Variants in ARSD observed in about 807,000 individuals in gnomAD.
The protein encoded by ARSD is testis tissue sperm-binding protein Li 39a.
A neutral mutation model predicts 32.6 loss-of-function variants in ARSD; 21 were observed. The ratio of observed to expected loss-of-function variants is 0.64; its 90% CI spans 0.46 to 0.93. The LOEUF (loss-of-function observed/expected upper bound fraction) is 0.93, where lower values mean the gene tolerates loss of function less well. Among genes scored for constraint, ARSD ranks in the 40% least tolerant of loss-of-function variants. The pLI is 0.00. For synonymous variants in ARSD, 224 were observed against 237.4 expected (o/e 0.94, Z 0.52); for missense variants, 454 against 520.9 (o/e 0.87, Z 1.25).
rs1276000734 is a variant in ARSD at position 2,921,958 on chromosome X, C to T, written c.261G>A (p.Pro87=). 12 of 1,209,115 alleles carry T rather than the reference C, an allele frequency of 9.9e-6. No individual in the cohort carries two copies. Among genetic ancestry groups the T allele is most frequent in the African/African-American group, 1.7e-5 (1 of 57,227 alleles). Residue 87 remains proline (P), a synonymous_variant, in exon 3 of 10, where the codon CCG becomes CCA. Coordinates refer to ENST00000381154, the MANE Select transcript of ARSD (RefSeq NM_001669.4). ...ATGCAGCTCGGCTTGGGGTGCAGAG[C>T]GGGGCGGCCGCCAGGTGCTGAGTGA... ...VRLTQHLAAA[P]LCTPSRAAFL... is the part of the protein sequence containing the mutation.
At chrX:2,910,950 T>C (rs775239995) in intron 6 of ARSD, among the ~76,000 whole-genome samples, 157 bp from the exon 7 acceptor site, 14 of 112,434 alleles carry the variant, frequency 1.2e-4, no homozygotes, top group African/African-American at 4.5e-4. Context: ...GATCCCAAAG[T>C]GTAAGACATA....
intron 6 of ARSD, chrX:2,913,414 T>A (rs749138594): frequency 1.4e-4 from 79 of 554,940 alleles, no homozygotes; most frequent in African/African-American, 1.0e-3. Flanking sequence ...CATGAACCAG[T>A]CTCTCAGGTT....
intron 5 of ARSD, among the ~76,000 whole-genome samples, chrX:2,917,203 T>C (rs928926367): frequency 1.8e-5 from 2 of 109,730 alleles, no homozygotes; most frequent in African/African-American, 3.3e-5. Context: ...CTGGGCAACA[T>C]AGTGAGACCC....
intron 4 of ARSD, among the ~76,000 whole-genome samples, chrX:2,919,503 G>A (rs1326319769): frequency 2.7e-5 from 3 of 110,358 alleles, no homozygotes; most frequent in East Asian, 5.7e-4. Flanking sequence ...TTTCCTCTCC[G>A]TGCAGAAAGG....
rs192474424 is a variant in ARSD, at chrX:2,918,993, T to A, written c.440-766A>T. On this transcript the variant is annotated intron_variant, in intron 4 of 9. Transcript: ENST00000381154. The stretch of plus-strand genomic sequence containing the variant: ...TTAGCCAGGCATGGTGGCACATGTC[T>A]GTGGTCCCAGCTACTCAGGAGGCTG... Among the ~76,000 whole-genome samples the A allele has an allele frequency of 5.4e-5, 6 of 110,133 alleles. No individual in the cohort carries two copies. The East Asian group carries it at 1.7e-3, about 32-fold the overall frequency.
intron 2 of ARSD, among the ~76,000 whole-genome samples, chrX:2,924,043 T>C (rs1340234721): frequency 1.8e-5 from 2 of 112,281 alleles, no homozygotes; most frequent in African/African-American, 6.5e-5. Context: ...GATTGATTGA[T>C]TGACTTAGAG....
intron 5 of ARSD, among the ~76,000 whole-genome samples, chrX:2,916,185 A>G (rs2088958214): frequency 1.9e-5 from 2 of 106,439 alleles, no homozygotes; most frequent in Admixed American, 2.1e-4. Context: ...ATGGAATACT[A>G]TTCAGCCATA....
At chrX:2,925,570 G>A (rs369517074) in intron 2 of ARSD, 46 bp downstream of exon 2, 21 of 1,173,788 alleles carry the variant, frequency 1.8e-5, no homozygotes, top group Admixed American at 7.0e-5. Context: ...GCACCATTCC[G>A]TCAAACTCAC....
At chrX:2,921,517 T>C (rs180989993) in intron 3 of ARSD, among the ~76,000 whole-genome samples, 12 of 112,099 alleles carry the variant, frequency 1.1e-4, no homozygotes, top group African/African-American at 3.6e-4. Context: ...ATCATTATCA[T>C]CCATCTAGCA....
Position 2,917,790 on chromosome X carries a change from C to G in ARSD, c.863+14G>C. 1 of 1,193,319 alleles carries G rather than the reference C, an allele frequency of 8.4e-7. No individual in the cohort carries two copies. On this transcript the variant is annotated intron_variant, in intron 5 of 9. Transcript: ENST00000381154. ...CCGGCCCCATCTCCTCTTTAAGATG[C>G]GATGGTTGCTTACCTTTCAATATAG...
At chrX:2,928,679 T>G (rs752404208) in intron 1 of ARSD, among the ~76,000 whole-genome samples, 25 of 36,271 alleles carry the variant, frequency 6.9e-4, no homozygotes, top group East Asian at 3.1e-3. Flanking sequence ...AGCTGGGGGG[T>G]TGGGGGCGGG....
chrX:2,920,569 C>G, intron 4 of ARSD, 32 bp downstream of exon 4: 1 of 1,210,144 alleles, frequency 8.3e-7, no homozygotes, highest in Non-Finnish European at 1.1e-6. Context: ...TTCCCAACCA[C>G]CGTATAATGT....
At chrX:2,910,630 C>A (rs1045476125) in intron 7 of ARSD, 29 bp downstream of exon 7, 2 of 1,210,606 alleles carry the variant, frequency 1.7e-6, no homozygotes, top group Admixed American at 2.2e-5. Flanking sequence ...TGGTCGAATG[C>A]ATATGTGTCC....
chrX:2,912,671 A>G (rs889077322), intron 6 of ARSD, among the ~76,000 whole-genome samples: 3 of 111,695 alleles, frequency 2.7e-5, no homozygotes, highest in African/African-American at 9.8e-5. Context: ...TTTTAAACAT[A>G]GTGCCGTGTG....
chrX:2,918,397 T>C (rs2088993571), intron 4 of ARSD, among the ~76,000 whole-genome samples, 170 bp from the exon 5 acceptor site: 1 of 112,819 alleles, frequency 8.9e-6, no homozygotes, highest in Non-Finnish European at 1.9e-5. Flanking sequence ...ATGAACGCAT[T>C]CTGATCCGTG....
intron 6 of ARSD, among the ~76,000 whole-genome samples, chrX:2,912,799 A>G (rs2088913532): frequency 8.9e-6 from 1 of 111,858 alleles, no homozygotes; most frequent in South Asian, 3.7e-4. Flanking sequence ...GGCGTATTGG[A>G]GGCTGATGGC....
In ARSD at chrX:2,925,723, C is replaced by T. The variant is rs767172262; in HGVS notation, c.87G>A (p.Lys29=). The T allele has an allele frequency of 1.7e-6, 2 of 1,210,970 alleles. No homozygotes were observed. Among genetic ancestry groups the T allele is most frequent in the South Asian group, 3.5e-5 (2 of 56,880 alleles). ...CATTTGCAGTTTTAGGTTCACACGT[C>T]TTCAGAAGCAAGCATAAAAACAGTA... ...PVLLFLCLLL[K]TCEPKTANAF... is the part of the protein sequence containing the mutation. The change falls in exon 2 of 10, where the codon AAG becomes AAA. Residue 29 remains lysine (K), a synonymous_variant. Transcript: ENST00000381154.
At chrX:2,921,329 T>C (rs753685136) in intron 3 of ARSD, among the ~76,000 whole-genome samples, 1 of 112,141 alleles carries the variant, frequency 8.9e-6, no homozygotes, top group East Asian at 2.8e-4. Context: ...TCAGCTATCA[T>C]TATCTATCAT....
At chrX:2,926,486 C>T (rs1017018779) in intron 1 of ARSD, among the ~76,000 whole-genome samples, 5 of 112,000 alleles carry the variant, frequency 4.5e-5, no homozygotes, top group African/African-American at 6.5e-5. Flanking sequence ...TGCATAAAGG[C>T]GCTGGTTGTT....
Sources: gnomAD v4.1 joint callset for allele counts (sites outside exome capture counted in the v4.1 genomes callset) on GRCh38, gnomAD v4.1.1 for gene constraint, MANE v1.5 for transcripts, NCBI Gene and HGNC (gene_info 2026-07-23, HGNC 2026-07-21) for gene names.